Variants in ITGAV observed in about 807,000 individuals in gnomAD.
The protein encoded by ITGAV is integrin alpha-V.
Under a neutral mutation model 143.8 loss-of-function variants are expected in ITGAV, and 76 were observed. The observed-to-expected ratio is 0.53, with a 90% CI of 0.44 to 0.64. The LOEUF is 0.64. Among genes scored for constraint, ITGAV ranks in the 30% least tolerant of loss-of-function variants. The pLI is 0.00. For synonymous variants in ITGAV, 453 were observed against 446.7 expected, an observed-to-expected ratio of 1.01 and a Z score of -0.18; for missense variants, 1,193 against 1,274.7, an observed-to-expected ratio of 0.94 and a Z score of 0.98.
chr2:186,635,388 A>G (rs1041968906), intron 6 of ITGAV, among the ~76,000 whole-genome samples: 1 of 152,238 alleles, frequency 6.6e-6, no homozygotes, highest in Admixed American at 6.5e-5. Flanking sequence ...ATGATAAAGT[A>G]GTGACCTGGA....
At chr2:186,601,429 C>T (rs1011058757) in intron 1 of ITGAV, among the ~76,000 whole-genome samples, 1 of 150,462 alleles carries the variant, frequency 6.6e-6, no homozygotes, top group Non-Finnish European at 1.5e-5. Flanking sequence ...CACTGCACTC[C>T]AGCCTGGGTG....
At chr2:186,641,630 T>G (rs747275340) in intron 12 of ITGAV, 42 bp downstream of exon 12, 1 of 1,547,224 alleles carries the variant, frequency 6.5e-7, no homozygotes, top group Admixed American at 1.7e-5. Context: ...TGATTATCTG[T>G]GTCCACCTGG....
Position 186,678,704 on chromosome 2 carries a change from C to T in ITGAV, c.*1412C>T, listed in dbSNP as rs1426440109. 2.2e-6 allele frequency: 1 copy of T among 455,468 alleles called. No homozygotes were observed. Among genetic ancestry groups the T allele is most frequent in the Admixed American group, 2.4e-5 (1 of 42,520 alleles). The allele number at this position is 455,468 out of a possible 1,614,324, so 28.2% of individuals were successfully genotyped here. A position where few individuals can be genotyped will look rare whatever the true frequency, so the allele number is the denominator to read the frequency against. ...TGATTTATTCACAGTTCCTCAAGGCCTGGGGATGATGATCAGTTATACCTA... is the reference window on the plus strand; with the variant it reads ...TGATTTATTCACAGTTCCTCAAGGCTTGGGGATGATGATCAGTTATACCTA... On this transcript the variant is annotated 3_prime_UTR_variant, in exon 30 of 30. Transcript: ENST00000261023.
In ITGAV at chr2:186,658,064, G is replaced by A. The variant is rs189664176; in HGVS notation, c.1720-974G>A. ...AGAATTTCATTCTAGTCTTACAATA[G>A]ATGTAAAATGACTAAGCCATTATAA... On this transcript the variant is annotated intron_variant, in intron 17 of 29. Coordinates refer to ENST00000261023, the MANE Select transcript of ITGAV (RefSeq NM_002210.5). Among the ~76,000 whole-genome samples the A allele has an allele frequency of 6.4e-4, 98 of 152,170 alleles. 2 individuals are homozygous for A. Among genetic ancestry groups the A allele is most frequent in the East Asian group, 3.5e-3 (18 of 5,188 alleles).
At chr2:186,591,882 A>G (rs1196739223) in intron 1 of ITGAV, among the ~76,000 whole-genome samples, 2 of 152,228 alleles carry the variant, frequency 1.3e-5, no homozygotes, top group Non-Finnish European at 2.9e-5. Context: ...CATGATAAAA[A>G]TAATCATTAT....
intron 1 of ITGAV, among the ~76,000 whole-genome samples, chr2:186,597,275 T>A (rs781140598): frequency 6.6e-6 from 1 of 152,222 alleles, no homozygotes; most frequent in Non-Finnish European, 1.5e-5. Flanking sequence ...TGTCTTATAG[T>A]GCCAAGTAAA....
chr2:186,635,960 C>T (rs761916404), intron 6 of ITGAV, 122 bp from the exon 7 acceptor site: 11 of 715,920 alleles, frequency 1.5e-5, no homozygotes, highest in African/African-American at 5.5e-5. Context: ...GAGTTATGTA[C>T]GGCTAATAAT....
At chr2:186,641,117 A>T in intron 11 of ITGAV, 150 bp downstream of exon 11, 1 of 709,190 alleles carries the variant, frequency 1.4e-6, no homozygotes, top group Non-Finnish European at 2.4e-6. Context: ...CTTAATCATG[A>T]ATTCTAGAAA....
chr2:186,623,928 C>T (rs1222790739), intron 3 of ITGAV, among the ~76,000 whole-genome samples: 1 of 152,128 alleles, frequency 6.6e-6, no homozygotes, highest in Non-Finnish European at 1.5e-5. Context: ...CTTCTCTTAC[C>T]CTAACTGCAA....
At chr2:186,675,005 G>C (rs1482919762) in intron 26 of ITGAV, among the ~76,000 whole-genome samples, 1 of 152,162 alleles carries the variant, frequency 6.6e-6, no homozygotes, top group African/African-American at 2.4e-5. Context: ...TCAACAAATG[G>C]TACCACTACT....
chr2:186,665,779 T>C (rs1688881283), intron 21 of ITGAV, among the ~76,000 whole-genome samples: 1 of 152,218 alleles, frequency 6.6e-6, no homozygotes, highest in Admixed American at 6.5e-5. Context: ...GCATATGCTG[T>C]GTGACTTTTT....
In ITGAV at chr2:186,646,774, C is replaced by A; in HGVS notation, c.1248C>A (p.Val416=). ...GAAGATCAACAGGCTTGAACGCAGT[C>A]CCATCTCAAATCCTTGAAGGGCAGT... ...FNGRSTGLNA[V]PSQILEGQWA... Residue 416 remains valine, a synonymous_variant, in exon 13 of 30, where the codon GTC becomes GTA. Coordinates refer to ENST00000261023, the MANE Select transcript of ITGAV (RefSeq NM_002210.5). The A allele has an allele frequency of 6.2e-7, 1 of 1,613,206 alleles. No individual in the cohort carries two copies. Among genetic ancestry groups the A allele is most frequent in the Non-Finnish European group, 8.5e-7 (1 of 1,179,452 alleles).
chr2:186,638,891 T>G (rs962914581), intron 10 of ITGAV, among the ~76,000 whole-genome samples: 3 of 149,048 alleles, frequency 2.0e-5, no homozygotes, highest in South Asian at 2.1e-4. Context: ...GGCTTGTTTT[T>G]GTTTCCTTTT....
intron 2 of ITGAV, among the ~76,000 whole-genome samples, chr2:186,615,035 G>A (rs367861165): frequency 2.6e-5 from 4 of 152,076 alleles, no homozygotes; most frequent in South Asian, 4.2e-4. Flanking sequence ...CCAGCCCTAA[G>A]CAGCTATTAA....
chr2:186,652,300 C>T (rs535312911), intron 15 of ITGAV, among the ~76,000 whole-genome samples: 65 of 152,286 alleles, frequency 4.3e-4, no homozygotes, highest in African/African-American at 1.5e-3. Flanking sequence ...AGTGATCCTT[C>T]CACCTTGGCC....
At position 186,602,169 on chromosome 2, in the gene ITGAV, ATTTTC is replaced by A. The variant is rs774495920; in HGVS notation, c.316+24_316+28del. ...TGCAACAGGTAAATTTTGATGCACA[ATTTTC>A]TTTTCATTGATTTCATTTGATTTTT... On this transcript the variant is annotated intron_variant, in intron 2 of 29. Coordinates refer to ENST00000261023, the MANE Select transcript of ITGAV (RefSeq NM_002210.5). 1 of 1,591,056 alleles carries A rather than the reference ATTTTC, an allele frequency of 6.3e-7. No homozygotes were observed. Among genetic ancestry groups the A allele is most frequent in the African/African-American group, 1.4e-5 (1 of 73,586 alleles).
chr2:186,655,439 AG>A (rs1688555728), intron 16 of ITGAV, among the ~76,000 whole-genome samples: 1 of 152,208 alleles, frequency 6.6e-6, no homozygotes, highest in African/African-American at 2.4e-5. Flanking sequence ...TTTGCCACAG[AG>A]GAACTGGCAG....
chr2:186,656,291 G>A lies in ITGAV; in HGVS notation c.1609G>A (p.Ala537Thr). 1 of 1,586,642 alleles carries A rather than the reference G, an allele frequency of 6.3e-7. No homozygotes were observed. The highest frequency in any genetic ancestry group is 1.4e-5 in the African/African-American group (1 of 73,024). Residue 537 changes from alanine to threonine, a missense_variant, in exon 17 of 30, where the codon GCA becomes ACA. Transcript: ENST00000261023. The stretch of plus-strand genomic sequence containing the variant: ...TTTGGATAAACTCAAGCAAAAGGGA[G>A]CAATTCGACGAGCACTGTTTCTCTA... The part of the protein sequence containing the change: ...LLLDKLKQKG[A>T]IRRALFLYSR...
intron 2 of ITGAV, among the ~76,000 whole-genome samples, chr2:186,602,600 T>C (rs1320032584): frequency 6.6e-6 from 1 of 152,188 alleles, no homozygotes; most frequent in African/African-American, 2.4e-5. Context: ...TTGAGGAGGC[T>C]GGGCATAGTG....
Sources: gnomAD v4.1 joint callset for allele counts (sites outside exome capture counted in the v4.1 genomes callset) on GRCh38, gnomAD v4.1.1 for gene constraint, MANE v1.5 for transcripts, NCBI Gene and HGNC (gene_info 2026-07-23, HGNC 2026-07-21) for gene names.